ADCY9: variants seen among roughly 807,000 people sequenced by gnomAD.
ADCY9 encodes adenylate cyclase 9, also known as adenylate cyclase type 9.
A neutral mutation model predicts 101.5 loss-of-function variants in ADCY9; 50 were observed. That is an observed-to-expected ratio of 0.49 (90% confidence interval 0.39 to 0.62). The LOEUF (loss-of-function observed/expected upper bound fraction) is 0.62. Among genes scored for constraint, ADCY9 ranks in the 20% least tolerant of loss-of-function variants. The pLI, the probability that ADCY9 is intolerant of heterozygous loss-of-function variation, is 0.00. For missense variants in ADCY9, 1,662 were observed against 1,800.4 expected, an observed-to-expected ratio of 0.92 and a Z score of 1.39; for synonymous variants, 905 against 769.3, an observed-to-expected ratio of 1.18 and a Z score of -2.92.
chr16:3,976,551 C>A lies in ADCY9; in HGVS notation c.2828+931G>T, dbSNP rs542501799. On this transcript the variant is annotated intron_variant, in intron 9 of 10. Transcript: ENST00000294016. ...CCAGTGATACGGTTCTGAAGGCCAGCGTCCTCCTCAGTATGCAGAGGATTT... is the reference window on the plus strand; with the variant it reads ...CCAGTGATACGGTTCTGAAGGCCAGAGTCCTCCTCAGTATGCAGAGGATTT... 6.6e-5 allele frequency among the ~76,000 whole-genome samples: 10 copies of A among 152,290 alleles called. No individual in the cohort carries two copies. In the South Asian group the frequency reaches 2.1e-3, roughly 32 times the overall value.
Position 3,977,567 on chromosome 16 carries a change from G to A in ADCY9, c.2743C>T (p.Leu915Phe), listed in dbSNP as rs752983999. 4.3e-6 allele frequency: 7 copies of A among 1,610,658 alleles called. No homozygotes were observed. The highest frequency in any genetic ancestry group is 5.9e-6 in the Non-Finnish European group (7 of 1,178,836). Residue 915 changes from leucine (L) to phenylalanine (F), a missense_variant, in exon 9 of 11, where the codon CTC (leucine) becomes TTC (phenylalanine). This residue lies in a region of ADCY9 where 624 missense variants were observed against 639.1 expected (regional missense o/e 0.98). Transcript: ENST00000294016. ...AVVHYCNFCQ[L>F]SSWMRSSLAT... ...AGGGAGGACCTCATCCAGGAGCTGA[G>A]CTGGCAGAAGTTACAGTAGTGCACG...
chr16:4,081,718 GTCTGC>G (rs2056903662), intron 2 of ADCY9, among the ~76,000 whole-genome samples: 1 of 150,020 alleles, frequency 6.7e-6, no homozygotes, highest in Admixed American at 6.6e-5. Context: ...AGGGCGCTGT[GTCTGC>G]AGGGGCGTGT....
Position 4,058,741 on chromosome 16 carries a change from G to A in ADCY9, c.1694-51183C>T, listed in dbSNP as rs116300104. Among the ~76,000 whole-genome samples, 502 of 152,178 alleles carry A rather than the reference G, an allele frequency of 3.3e-3. 2 individuals are homozygous for A. The highest frequency in any genetic ancestry group is 0.012 in the African/African-American group (482 of 41,524). ...GGCAAGATGCTGCAAAAGGTGCAGC[G>A]GAACTGAGTCCACCGAGGAGCTAAA... On this transcript the variant is annotated intron_variant, in intron 2 of 10. Transcript: ENST00000294016.
intron 2 of ADCY9, among the ~76,000 whole-genome samples, chr16:4,084,686 A>G (rs1288425160): frequency 6.6e-6 from 1 of 152,004 alleles, no homozygotes; most frequent in East Asian, 1.9e-4. Context: ...TGATTGCACC[A>G]CTGCACTCCA....
At chr16:4,112,608 G>C (rs886542933) in intron 2 of ADCY9, among the ~76,000 whole-genome samples, 2 of 151,922 alleles carry the variant, frequency 1.3e-5, no homozygotes, top group Admixed American at 1.3e-4. Context: ...TCTCTGATTG[G>C]AACTATTAAT....
At chr16:4,027,927 A>C (rs2056528989) in intron 2 of ADCY9, among the ~76,000 whole-genome samples, 1 of 151,806 alleles carries the variant, frequency 6.6e-6, no homozygotes, top group South Asian at 2.1e-4. Flanking sequence ...AGACTTATTC[A>C]CTATCACGAG....
At chr16:4,083,495 C>A (rs2056918306) in intron 2 of ADCY9, among the ~76,000 whole-genome samples, 1 of 152,172 alleles carries the variant, frequency 6.6e-6, no homozygotes, top group African/African-American at 2.4e-5. Context: ...CCCAGCAATT[C>A]CACTCCTAGG....
chr16:4,097,554 T>TATATATATATA (rs1491239469), intron 2 of ADCY9, among the ~76,000 whole-genome samples: 7 of 24,154 alleles, frequency 2.9e-4, no homozygotes, highest in African/African-American at 1.8e-3. Context: ...TATATATATA[T>TATATATATATA]TTTTTTTTTT....
intron 2 of ADCY9, among the ~76,000 whole-genome samples, chr16:4,022,490 CAAA>C (rs58498676): frequency 3.1e-5 from 2 of 65,048 alleles, no homozygotes; most frequent in Admixed American, 2.8e-4. Context: ...GACTCCGTCT[CAAA>C]AAAAAAAAAA....
chr16:3,985,167 G>C (rs1414154381), intron 6 of ADCY9, among the ~76,000 whole-genome samples: 1 of 131,668 alleles, frequency 7.6e-6, no homozygotes, highest in South Asian at 2.3e-4. Context: ...TTTTGAGATG[G>C]GATCTGGCTG....
rs1398264985 is a variant in ADCY9 at position 3,992,863 on chromosome 16, C to T, written c.1990-500G>A. On this transcript the variant is annotated intron_variant, in intron 4 of 10. Coordinates refer to ENST00000294016, the MANE Select transcript of ADCY9 (RefSeq NM_001116.4). The surrounding 1 kb of genome is among the most constrained non-coding windows in gnomAD (Gnocchi z 4.2). ...CATGGGATGACCTGCACCTGCAATC[C>T]TTTGGCAGATGGAGAGCAGATGGAG... is the stretch of plus-strand genomic sequence containing the variant. 6.6e-6 allele frequency among the ~76,000 whole-genome samples: 1 copy of T among 152,116 alleles called. No individual in the cohort carries two copies. Among genetic ancestry groups the T allele is most frequent in the African/African-American group, 2.4e-5 (1 of 41,430 alleles).
rs1338456430 is a variant in ADCY9, at chr16:4,114,130, A to C, written c.1313T>G (p.Ile438Ser). The C allele has an allele frequency of 6.2e-7, 1 of 1,613,708 alleles. No individual in the cohort carries two copies. The highest frequency in any genetic ancestry group is 1.7e-5 in the Admixed American group (1 of 60,002). The change falls in exon 2 of 11, where the codon ATC (isoleucine) becomes AGC (serine). Residue 438 changes from isoleucine (I) to serine (S), a missense_variant. Physicochemically the swap from Ile to Ser is moderately radical, Grantham distance 142 (BLOSUM62 -2). Coordinates refer to ENST00000294016, the MANE Select transcript of ADCY9 (RefSeq NM_001116.4). The surrounding 1 kb of genome is among the most constrained non-coding windows in gnomAD (Gnocchi z 4.3). Reference protein sequence around the residue: ...RLCEETKCEKISTLGDCYYCV... With the variant: ...RLCEETKCEKSSTLGDCYYCV... ...GTAGTAACAGTCTCCCAGGGTGCTG[A>C]TTTTCTCACACTTGGTCTCCTCACA...
At chr16:4,093,644 C>T (rs1483012333) in intron 2 of ADCY9, among the ~76,000 whole-genome samples, 1 of 152,138 alleles carries the variant, frequency 6.6e-6, no homozygotes, top group Non-Finnish European at 1.5e-5. Context: ...GCAGTCCCAG[C>T]TACTCAGGAG....
intron 2 of ADCY9, among the ~76,000 whole-genome samples, chr16:4,014,399 G>A (rs1477996548): frequency 6.6e-6 from 1 of 151,738 alleles, no homozygotes; most frequent in Non-Finnish European, 1.5e-5. Context: ...AGAAACAAAG[G>A]GTAGGCACCT....
intron 7 of ADCY9, among the ~76,000 whole-genome samples, chr16:3,979,564 T>G (rs1290029513): frequency 6.6e-6 from 1 of 152,168 alleles, no homozygotes; most frequent in African/African-American, 2.4e-5. Context: ...CACGTGAGAG[T>G]ATCACAGGCC....
chr16:4,079,397 C>T (rs758172243), intron 2 of ADCY9, among the ~76,000 whole-genome samples: 3 of 152,082 alleles, frequency 2.0e-5, no homozygotes, highest in African/African-American at 7.2e-5. Context: ...GTTGAAACCC[C>T]GTCTCTACTA....
chr16:4,043,396 C>T (rs938274944), intron 2 of ADCY9, among the ~76,000 whole-genome samples: 2 of 150,692 alleles, frequency 1.3e-5, no homozygotes, highest in African/African-American at 4.9e-5. Context: ...GAGTCTGGCC[C>T]GGCGCGGTGG....
In ADCY9 at chr16:3,979,217, C is replaced by T. The variant is rs545216961; in HGVS notation, c.2578G>A (p.Ala860Thr). The T allele has an allele frequency of 1.5e-5, 25 of 1,614,010 alleles. No individual in the cohort carries two copies. The highest frequency in any genetic ancestry group is 1.6e-4 in the Middle Eastern group (1 of 6,062). ...ACTKRLLEWI[A>T]GWLPRHCIGA... is the part of the protein sequence containing the mutation. Reference sequence around the variant, plus strand: ...ATGCAGTGACGTGGTAGCCAGCCGGCGATCCACTCCAGCAGGCGCTTGGTG... The same window carrying T: ...ATGCAGTGACGTGGTAGCCAGCCGGTGATCCACTCCAGCAGGCGCTTGGTG... The change falls in exon 8 of 11, where the codon GCC becomes ACC. Residue 860 changes from alanine to threonine, a missense_variant. Ala to Thr is a moderately conservative substitution (Grantham distance 58, BLOSUM62 0). Transcript: ENST00000294016.
chr16:3,966,854 A>T lies in ADCY9; in HGVS notation c.2983T>A (p.Phe995Ile), dbSNP rs1348910075. Residue 995 changes from phenylalanine (F) to isoleucine (I), a missense_variant, in exon 11 of 11, where the codon TTC (phenylalanine) becomes ATC (isoleucine). Transcript: ENST00000294016. ...VFFLLLLLVW[F>I]LNREFEVSYR... ...CTGACTTCAAATTCGCGATTCAGGA[A>T]CCAGACCAACAAGAGCAGGAGAAAG... is the stretch of plus-strand genomic sequence containing the variant. 1 of 1,614,180 alleles carries T rather than the reference A, an allele frequency of 6.2e-7. No individual in the cohort carries two copies. The highest frequency in any genetic ancestry group is 8.5e-7 in the Non-Finnish European group (1 of 1,180,026).
Sources: gnomAD v4.1 joint callset for allele counts (sites outside exome capture counted in the v4.1 genomes callset) on GRCh38, gnomAD v4.1.1 for gene constraint, gnomAD v4.1.1 regional missense constraint, Gnocchi (gnomAD v3.1) non-coding constraint, MANE v1.5 for transcripts, NCBI Gene and HGNC (gene_info 2026-07-23, HGNC 2026-07-21) for gene names.